The following GLRA2 variants were observed in gnomAD, a reference collection of about 807,000 sequenced individuals.
The protein encoded by GLRA2 is glycine receptor alpha 2.
In GLRA2, 11 loss-of-function variants were observed where a neutral mutation model predicts 31.6. That is an observed-to-expected ratio of 0.35 (90% CI 0.22 to 0.58). The LOEUF (loss-of-function observed/expected upper bound fraction) is 0.58, where lower values mean the gene tolerates loss of function less well. GLRA2 is among the 20% of genes least tolerant of loss of function. The probability of loss-of-function intolerance (pLI) is 0.84; values close to 1 mark genes in which losing one functional copy is unlikely to be tolerated. For missense variants in GLRA2, 212 were observed against 351.8 expected (o/e 0.60, Z 3.18); for synonymous variants, 132 against 134.0 (o/e 0.99, Z 0.10).
At chrX:14,470,671 A>C in the GLRA2 span, among the ~76,000 whole-genome samples, 2 of 112,044 alleles carry the variant, frequency 1.8e-5, no homozygotes, top group African/African-American at 3.2e-5. Context: ...GGGATACACA[A>C]AATAACCTCT....
intron 8 of GLRA2, among the ~76,000 whole-genome samples, chrX:14,704,957 CAGGA>C (rs995608013): frequency 8.9e-6 from 1 of 111,847 alleles, no homozygotes; most frequent in African/African-American, 3.3e-5. Flanking sequence ...TGGCAATTCC[CAGGA>C]AGGGAGAGTA....
chrX:14,512,467 G>C, the GLRA2 span, among the ~76,000 whole-genome samples: 2 of 111,711 alleles, frequency 1.8e-5, no homozygotes, highest in African/African-American at 6.5e-5. Flanking sequence ...AATCAGTAAA[G>C]AGGAAGTCAA....
chrX:14,469,859 A>C, the GLRA2 span, among the ~76,000 whole-genome samples: 1 of 110,919 alleles, frequency 9.0e-6, no homozygotes, highest in Non-Finnish European at 1.9e-5. Context: ...AATTTAAAAA[A>C]AAACAAAGCT....
intron 7 of GLRA2, among the ~76,000 whole-genome samples, chrX:14,645,091 G>A (rs929776032): frequency 6.3e-5 from 7 of 111,797 alleles, no homozygotes; most frequent in African/African-American, 2.3e-4. Context: ...CCATTAATGA[G>A]AAATGTTGGT....
At chrX:14,538,602 T>C (rs960640795) in intron 2 of GLRA2, among the ~76,000 whole-genome samples, 14 of 111,449 alleles carry the variant, frequency 1.3e-4, no homozygotes, top group African/African-American at 4.2e-4. Context: ...TATAAAACAA[T>C]GAGGGAGCCA....
At chrX:14,506,853 C>A in the GLRA2 span, among the ~76,000 whole-genome samples, 2 of 111,451 alleles carry the variant, frequency 1.8e-5, no homozygotes, top group African/African-American at 6.5e-5. Context: ...TATTGATGAC[C>A]ATATCACCTT....
chrX:14,608,959 C>T, intron 6 of GLRA2, 32 bp from the exon 7 acceptor site: 1 of 658,749 alleles, frequency 1.5e-6, no homozygotes, highest in Non-Finnish European at 2.5e-6. Context: ...TAAATTCAGG[C>T]TGGACTTTAA....
intron 2 of GLRA2, among the ~76,000 whole-genome samples, chrX:14,562,758 C>T (rs1366685839): frequency 9.0e-6 from 1 of 111,532 alleles, no homozygotes; most frequent in Non-Finnish European, 1.9e-5. Flanking sequence ...CATAAGGACA[C>T]CAGTCATATC....
chrX:14,620,777 A>T (rs1038268160), intron 7 of GLRA2, among the ~76,000 whole-genome samples: 5 of 111,802 alleles, frequency 4.5e-5, no homozygotes, highest in Non-Finnish European at 7.5e-5. Flanking sequence ...TTAGTAGAGC[A>T]TGGGGCCTCA....
In GLRA2 at chrX:14,557,178, C is replaced by G. The variant is rs1160791448; in HGVS notation, c.203-17155C>G. On this transcript the variant is annotated intron_variant, in intron 2 of 8. Coordinates refer to ENST00000218075, the MANE Select transcript of GLRA2 (RefSeq NM_002063.4). ...TCGCCCAGGCTGGAGTGCAGTGGCG[C>G]GATCTCGGCTCACTGTAAGCTCCGC... Among the ~76,000 whole-genome samples, 18 of 82,932 alleles carry G rather than the reference C, an allele frequency of 2.2e-4. No homozygotes were observed. The South Asian group carries it at 3.5e-3, about 16-fold the overall frequency. The allele number at this position is 82,932 out of a possible 115,157, so 72.0% of individuals were successfully genotyped here.
At chrX:14,495,368 T>G in the GLRA2 span, among the ~76,000 whole-genome samples, 7 of 111,099 alleles carry the variant, frequency 6.3e-5, no homozygotes, top group Admixed American at 5.8e-4. Flanking sequence ...GTTTTACTTT[T>G]TAACCTGGTT....
Position 14,702,527 on chromosome X carries a change from T to A in GLRA2, c.1080+11668T>A, listed in dbSNP as rs139454782. 1.2e-3 allele frequency among the ~76,000 whole-genome samples: 133 copies of A among 112,348 alleles called. 1 individual carries two copies. Among genetic ancestry groups the A allele is most frequent in the African/African-American group, 4.1e-3 (127 of 30,940 alleles). On this transcript the variant is annotated intron_variant, in intron 8 of 8. Coordinates refer to ENST00000218075, the MANE Select transcript of GLRA2 (RefSeq NM_002063.4). Reference sequence around the variant, plus strand: ...ATTATAAACTTACCAAAGCTTGTCTTAAGTGTGAATATAAAAGTGGCTTTC... The same window carrying A: ...ATTATAAACTTACCAAAGCTTGTCTAAAGTGTGAATATAAAAGTGGCTTTC...
chrX:14,617,437 A>T (rs1184267866), intron 7 of GLRA2, among the ~76,000 whole-genome samples: 1 of 111,521 alleles, frequency 9.0e-6, no homozygotes, highest in Admixed American at 9.5e-5. Context: ...GGCTATAATA[A>T]TTTCCCTCCC....
At chrX:14,545,576 T>G (rs1295257257) in intron 2 of GLRA2, among the ~76,000 whole-genome samples, 7 of 111,859 alleles carry the variant, frequency 6.3e-5, no homozygotes. Flanking sequence ...GTTGGCAGTC[T>G]TAGATACACT....
At chrX:14,573,738 T>G (rs1275744843) in intron 2 of GLRA2, among the ~76,000 whole-genome samples, 1 of 110,126 alleles carries the variant, frequency 9.1e-6, no homozygotes, top group Non-Finnish European at 1.9e-5. Flanking sequence ...TGGACGTAAA[T>G]TGACATTACT....
the GLRA2 span, among the ~76,000 whole-genome samples, chrX:14,458,087 C>T: frequency 1.8e-5 from 2 of 108,439 alleles, no homozygotes; most frequent in Non-Finnish European, 1.9e-5. Flanking sequence ...TGTTCTCATT[C>T]TTCAATCCCC....
the GLRA2 span, among the ~76,000 whole-genome samples, chrX:14,501,543 C>T: frequency 2.7e-5 from 3 of 111,545 alleles, no homozygotes; most frequent in Non-Finnish European, 5.7e-5. Context: ...CATTTATGCT[C>T]CACTTGGCTT....
At chrX:14,575,809 A>G (rs1334229153) in intron 3 of GLRA2, among the ~76,000 whole-genome samples, 1 of 111,642 alleles carries the variant, frequency 9.0e-6, no homozygotes, top group Non-Finnish European at 1.9e-5. Flanking sequence ...CCTGTGACAT[A>G]GCCTATTGGA....
At chrX:14,672,234 T>A (rs1272570642) in intron 7 of GLRA2, among the ~76,000 whole-genome samples, 1 of 112,353 alleles carries the variant, frequency 8.9e-6, no homozygotes, top group Non-Finnish European at 1.9e-5. Flanking sequence ...TAGATAGTCA[T>A]ACTGGATTGA....
Sources: allele counts gnomAD v4.1 joint callset (sites outside exome capture counted in the v4.1 genomes callset), GRCh38; gene constraint gnomAD v4.1.1; transcripts MANE v1.5; gene names NCBI Gene and HGNC (gene_info 2026-07-23, HGNC 2026-07-21).